NXPH2: variants seen among roughly 807,000 people sequenced by gnomAD.
The protein encoded by NXPH2 is neurexophilin-2.
Under a neutral mutation model 19.8 loss-of-function variants are expected in NXPH2, and 5 were observed. The observed-to-expected ratio is 0.25, with a 90% confidence interval of 0.13 to 0.53. The LOEUF (loss-of-function observed/expected upper bound fraction) is 0.53, where lower values mean the gene tolerates loss of function less well. Ranked by LOEUF, NXPH2 falls within the 20% of genes least tolerant of loss-of-function variation. The pLI, the probability that NXPH2 is intolerant of heterozygous loss-of-function variation, is 0.96. For synonymous variants in NXPH2, 154 were observed against 127.4 expected, an observed-to-expected ratio of 1.21 and a Z score of -1.41; for missense variants, 289 against 322.8, an observed-to-expected ratio of 0.90 and a Z score of 0.80.
At chr2:138,714,862 T>C (rs1223908890) in intron 1 of NXPH2, among the ~76,000 whole-genome samples, 1 of 152,204 alleles carries the variant, frequency 6.6e-6, no homozygotes, top group Non-Finnish European at 1.5e-5. Context: ...TATAATGGCA[T>C]AATATGTGTA....
At chr2:138,723,165 C>T (rs186305751) in intron 1 of NXPH2, among the ~76,000 whole-genome samples, 1 of 152,102 alleles carries the variant, frequency 6.6e-6, no homozygotes, top group African/African-American at 2.4e-5. Flanking sequence ...AACAGACAAG[C>T]AAGCAAGCAA....
At chr2:138,678,162 T>C (rs1680514914) in intron 1 of NXPH2, among the ~76,000 whole-genome samples, 1 of 152,240 alleles carries the variant, frequency 6.6e-6, no homozygotes, top group African/African-American at 2.4e-5. Context: ...ACTTAAATGT[T>C]TTCTGAAGTA....
At chr2:138,689,707 G>A (rs899640448) in intron 1 of NXPH2, among the ~76,000 whole-genome samples, 9 of 152,164 alleles carry the variant, frequency 5.9e-5, no homozygotes, top group Admixed American at 5.9e-4. Flanking sequence ...TATTAAATAA[G>A]CTGGAATACT....
chr2:138,773,601 A>G (rs1275401775), intron 1 of NXPH2, among the ~76,000 whole-genome samples: 4 of 152,200 alleles, frequency 2.6e-5, no homozygotes, highest in Admixed American at 1.3e-4. Context: ...TTTGAATAAT[A>G]TACATTATTT....
intron 1 of NXPH2, among the ~76,000 whole-genome samples, chr2:138,761,001 G>T (rs926956636): frequency 6.6e-6 from 1 of 152,052 alleles, no homozygotes; most frequent in African/African-American, 2.4e-5. Flanking sequence ...TTAAACCCAG[G>T]GTCTGCACGT....
rs78889714 is a variant in NXPH2, at chr2:138,742,439, G to A, written c.51+37752C>T. 8.3e-4 allele frequency among the ~76,000 whole-genome samples: 126 copies of A among 152,334 alleles called. 4 individuals are homozygous for A. The East Asian group carries it at 0.024, about 28-fold the overall frequency. On this transcript the variant is annotated intron_variant, in intron 1 of 1. Coordinates refer to ENST00000272641, the MANE Select transcript of NXPH2 (RefSeq NM_007226.3). ...AAATAGATTGCTTTTGACTAATGGA[G>A]AGATGAATTTGGGTCTTATGGGAAC...
intron 1 of NXPH2, among the ~76,000 whole-genome samples, chr2:138,728,222 G>A (rs568571947): frequency 6.6e-6 from 1 of 152,210 alleles, no homozygotes; most frequent in South Asian, 2.1e-4. Flanking sequence ...AGCATGCAGA[G>A]GATCATATGA....
At chr2:138,767,850 T>C (rs1439784931) in intron 1 of NXPH2, among the ~76,000 whole-genome samples, 1 of 152,164 alleles carries the variant, frequency 6.6e-6, no homozygotes, top group Non-Finnish European at 1.5e-5. Context: ...AGCTCTTCAC[T>C]GGATTTTCTG....
chr2:138,722,655 A>T lies in NXPH2; in HGVS notation c.52-50990T>A, dbSNP rs116706972. 8.0e-3 allele frequency among the ~76,000 whole-genome samples: 1,220 copies of T among 152,324 alleles called. 19 individuals carry two copies. The highest frequency in any genetic ancestry group is 0.028 in the African/African-American group (1,149 of 41,562). Reference sequence around the variant, plus strand: ...CTGCAATGATTCCAGTTGAACAACGAAGAAGGCCCAGTCCAGGCTAGTAGG... The same window carrying T: ...CTGCAATGATTCCAGTTGAACAACGTAGAAGGCCCAGTCCAGGCTAGTAGG... On this transcript the variant is annotated intron_variant, in intron 1 of 1. Coordinates refer to ENST00000272641, the MANE Select transcript of NXPH2 (RefSeq NM_007226.3).
At chr2:138,741,333 T>C (rs1472930625) in intron 1 of NXPH2, among the ~76,000 whole-genome samples, 1 of 152,168 alleles carries the variant, frequency 6.6e-6, no homozygotes, top group East Asian at 1.9e-4. Flanking sequence ...CACACACTTA[T>C]TCATTCAGCC....
intron 1 of NXPH2, among the ~76,000 whole-genome samples, chr2:138,715,927 G>C (rs1018954361): frequency 3.9e-5 from 6 of 152,134 alleles, no homozygotes; most frequent in African/African-American, 1.4e-4. Flanking sequence ...GTCCTGGGGT[G>C]GGGTGAGGGC....
At chr2:138,759,515 G>C (rs1290540640) in intron 1 of NXPH2, among the ~76,000 whole-genome samples, 2 of 152,000 alleles carry the variant, frequency 1.3e-5, no homozygotes, top group African/African-American at 4.8e-5. Flanking sequence ...GTGGGAAATG[G>C]GCAGAGTACC....
At chr2:138,740,166 C>G (rs1681620978) in intron 1 of NXPH2, among the ~76,000 whole-genome samples, 1 of 152,168 alleles carries the variant, frequency 6.6e-6, no homozygotes, top group Admixed American at 6.5e-5. Flanking sequence ...CACAGGAGAT[C>G]CTGACTATGA....
intron 1 of NXPH2, among the ~76,000 whole-genome samples, chr2:138,723,348 A>G (rs192110929): frequency 9.2e-5 from 14 of 152,344 alleles, no homozygotes; most frequent in African/African-American, 3.4e-4. Flanking sequence ...ATGAAAAATC[A>G]TGGTTGAGTG....
chr2:138,748,294 C>T (rs1324756951), intron 1 of NXPH2, among the ~76,000 whole-genome samples: 2 of 152,116 alleles, frequency 1.3e-5, no homozygotes, highest in African/African-American at 2.4e-5. Context: ...TCAGTGAGGA[C>T]TGCTGTAAGG....
At chr2:138,735,075 T>A in intron 1 of NXPH2, among the ~76,000 whole-genome samples, 1 of 152,248 alleles carries the variant, frequency 6.6e-6, no homozygotes, top group African/African-American at 2.4e-5. Context: ...GTAATAAGCA[T>A]AGATAGAAAT....
At chr2:138,724,196 G>T (rs1490025762) in intron 1 of NXPH2, among the ~76,000 whole-genome samples, 1 of 152,128 alleles carries the variant, frequency 6.6e-6, no homozygotes, top group Non-Finnish European at 1.5e-5. Flanking sequence ...GTGGTATTTG[G>T]TTTTCTGTTC....
At chr2:138,770,743 C>T (rs1405578210) in intron 1 of NXPH2, among the ~76,000 whole-genome samples, 2 of 151,796 alleles carry the variant, frequency 1.3e-5, no homozygotes, top group Non-Finnish European at 2.9e-5. Flanking sequence ...AATAATGTAC[C>T]AGATATTCAG....
chr2:138,720,618 G>C (rs984596956), intron 1 of NXPH2, among the ~76,000 whole-genome samples: 11 of 152,230 alleles, frequency 7.2e-5, no homozygotes, highest in Admixed American at 7.2e-4. Flanking sequence ...TGACAGTGAG[G>C]AGTGTGCAGC....
Sources: gnomAD v4.1 joint callset for allele counts (sites outside exome capture counted in the v4.1 genomes callset) on GRCh38, gnomAD v4.1.1 for gene constraint, MANE v1.5 for transcripts, NCBI Gene and HGNC (gene_info 2026-07-23, HGNC 2026-07-21) for gene names.